Variants in MPHOSPH9 observed in about 807,000 individuals in gnomAD.
MPHOSPH9 encodes M-phase phosphoprotein 9.
In MPHOSPH9, 88 loss-of-function variants were observed where a neutral mutation model predicts 145.5. The ratio of observed to expected loss-of-function variants is 0.60; its 90% confidence interval spans 0.51 to 0.72. The LOEUF (loss-of-function observed/expected upper bound fraction) is 0.72, where lower values mean the gene tolerates loss of function less well. Among genes scored for constraint, MPHOSPH9 ranks in the 30% least tolerant of loss-of-function variants. The pLI is 0.00. For synonymous variants in MPHOSPH9, 435 were observed against 486.2 expected (o/e 0.89, Z 1.39); for missense variants, 1,238 against 1,386.6 (o/e 0.89, Z 1.70).
chr12:123,163,428 G>C, intron 19 of MPHOSPH9: 1 of 290,440 alleles, frequency 3.4e-6, no homozygotes, highest in East Asian at 7.4e-5. Flanking sequence ...GTACACTACT[G>C]AACATTCCTA....
In MPHOSPH9 at chr12:123,202,653, A is replaced by G. The variant is rs776952267; in HGVS notation, c.1752T>C (p.Thr584=). The change falls in exon 10 of 24, where the codon ACT becomes ACC. Residue 584 remains threonine, a synonymous_variant. Transcript: ENST00000606320. ...ANSVPECISL[T]SLEDPVILSK... The stretch of plus-strand genomic sequence containing the variant: ...ACAATATCACAGGATCTTCCAAGGA[A>G]GTCAATGAAATGCATTCTGGGACAC... 5 of 1,614,028 alleles carry G rather than the reference A, an allele frequency of 3.1e-6. No individual in the cohort carries two copies. Among genetic ancestry groups the G allele is most frequent in the South Asian group, 1.1e-5 (1 of 91,084 alleles).
intron 13 of MPHOSPH9, among the ~76,000 whole-genome samples, chr12:123,191,635 G>A (rs539589561): frequency 6.6e-6 from 1 of 152,226 alleles, no homozygotes; most frequent in South Asian, 2.1e-4. Context: ...TCCATGAAAA[G>A]GAACCAGAAC....
chr12:123,157,053 A>T, intron 23 of MPHOSPH9, 145 bp from the exon 24 acceptor site: 2 of 534,534 alleles, frequency 3.7e-6, no homozygotes, highest in Non-Finnish European at 3.3e-6. Context: ...ACATCTTATG[A>T]TTTCTTTTAA....
chr12:123,202,469 A>G, intron 10 of MPHOSPH9, 150 bp from the exon 11 acceptor site: 1 of 1,192,828 alleles, frequency 8.4e-7, no homozygotes, highest in Non-Finnish European at 1.2e-6. Flanking sequence ...ATACACAAAA[A>G]GTTAACAATC....
At chr12:123,213,326 TG>T (rs1333652197) in intron 7 of MPHOSPH9, among the ~76,000 whole-genome samples, 3 of 151,962 alleles carry the variant, frequency 2.0e-5, no homozygotes, top group Non-Finnish European at 4.4e-5. Flanking sequence ...ATAAGCTAGG[TG>T]TACTAAATGC....
Position 123,156,796 on chromosome 12 carries a change from G to A in MPHOSPH9, c.*11C>T. On this transcript the variant is annotated 3_prime_UTR_variant, in exon 24 of 24. Transcript: ENST00000606320. ...AAACAAAAATGTCTCAAAATTTAAT[G>A]GCTACAAATCTCAAAGATTTGCAGA... The A allele has an allele frequency of 6.2e-7, 1 of 1,602,512 alleles. No homozygotes were observed. The highest frequency in any genetic ancestry group is 1.1e-5 in the South Asian group (1 of 90,116).
chr12:123,188,738 C>T (rs1472178380), intron 13 of MPHOSPH9, among the ~76,000 whole-genome samples: 2 of 152,138 alleles, frequency 1.3e-5, no homozygotes, highest in Non-Finnish European at 2.9e-5. Flanking sequence ...CTCCCAGCTA[C>T]ATGGTAGGCT....
intron 8 of MPHOSPH9, among the ~76,000 whole-genome samples, chr12:123,209,738 T>G (rs1292723345): frequency 3.3e-5 from 1 of 30,120 alleles, no homozygotes. Flanking sequence ...TGTTTTGTTG[T>G]TTTTTTTTTT....
intron 1 of MPHOSPH9, among the ~76,000 whole-genome samples, chr12:123,238,494 GGCATGGTGGCTCAT>G (rs539089146): frequency 2.0e-4 from 30 of 152,138 alleles, no homozygotes; most frequent in African/African-American, 5.5e-4. Flanking sequence ...AAACATGCTG[GGCATGGTGGCTCAT>G]GACTGTAATC....
intron 12 of MPHOSPH9, among the ~76,000 whole-genome samples, chr12:123,195,670 A>T: frequency 6.6e-6 from 1 of 152,208 alleles, no homozygotes; most frequent in Non-Finnish European, 1.5e-5. Context: ...AATACCCACT[A>T]GGTGCTAGGC....
intron 3 of MPHOSPH9, among the ~76,000 whole-genome samples, chr12:123,224,961 T>C (rs1330470423): frequency 1.3e-5 from 2 of 152,204 alleles, no homozygotes. Flanking sequence ...TTATGTCTTC[T>C]AATGAACATG....
chr12:123,232,039 CG>C (rs2047661772), intron 1 of MPHOSPH9, among the ~76,000 whole-genome samples: 1 of 150,774 alleles, frequency 6.6e-6, no homozygotes, highest in Non-Finnish European at 1.5e-5. Flanking sequence ...AAAGGGTAAC[CG>C]GACCTAACTA....
intron 2 of MPHOSPH9, 28 bp from the exon 3 acceptor site, chr12:123,227,644 T>C: frequency 6.8e-7 from 1 of 1,474,206 alleles, no homozygotes; most frequent in Non-Finnish European, 9.0e-7. Context: ...ATTCAAATGG[T>C]TTTCTTCATT....
rs192907303 is a variant in MPHOSPH9, at chr12:123,213,009, G to A, written c.1087+1735C>T. On this transcript the variant is annotated intron_variant, in intron 7 of 23. Coordinates refer to ENST00000606320, the MANE Select transcript of MPHOSPH9 (RefSeq NM_022782.4). ...TGAGCAGCTGGGATTACAGGCGGCC[G>A]CCACCAAGCCCAGCTAATTTTTTGT... Among the ~76,000 whole-genome samples, 266 of 151,266 alleles carry A rather than the reference G, an allele frequency of 1.8e-3. 1 individual carries two copies. Among genetic ancestry groups the A allele is most frequent in the Non-Finnish European group, 2.0e-3 (139 of 67,818 alleles).
rs1291595314 is a variant in MPHOSPH9, at chr12:123,187,708, AAATGTAC to A, written c.2242-6505_2242-6499del. On this transcript the variant is annotated intron_variant, in intron 13 of 23. Transcript: ENST00000606320. ...AGGAGATTTACACGAGAAGGAAATA[AAATGTAC>A]AACAGAAGTCAGTAAGGGAAGGAAA... Among the ~76,000 whole-genome samples, 6 of 152,238 alleles carry A rather than the reference AAATGTAC, an allele frequency of 3.9e-5. No individual in the cohort carries two copies. The East Asian group carries it at 1.2e-3, about 29-fold the overall frequency.
chr12:123,167,943 C>T (rs1022684612), intron 16 of MPHOSPH9, among the ~76,000 whole-genome samples: 2 of 152,202 alleles, frequency 1.3e-5, no homozygotes, highest in Non-Finnish European at 2.9e-5. Context: ...AGCCAGCCAC[C>T]TCAGAGGGTA....
chr12:123,236,588 G>A (rs1416950726), upstream of MPHOSPH9, among the ~76,000 whole-genome samples: 9 of 146,994 alleles, frequency 6.1e-5, no homozygotes, highest in Non-Finnish European at 1.0e-4. Context: ...GGGAGACCCT[G>A]TCTCAAAAAA....
intron 11 of MPHOSPH9, among the ~76,000 whole-genome samples, chr12:123,201,273 C>T (rs533139865): frequency 9.9e-5 from 15 of 152,264 alleles, no homozygotes; most frequent in East Asian, 5.8e-4. Context: ...GTTAACCAGA[C>T]GGAAGATTTT....
At chr12:123,235,451 G>GC (rs950539956), upstream of MPHOSPH9, among the ~76,000 whole-genome samples, 2 of 151,820 alleles carry the variant, frequency 1.3e-5, no homozygotes, top group East Asian at 1.9e-4. Context: ...TGCAAGCTCC[G>GC]CCCCCCAGGT....
Sources: allele counts gnomAD v4.1 joint callset (sites outside exome capture counted in the v4.1 genomes callset), GRCh38; gene constraint gnomAD v4.1.1; transcripts MANE v1.5; gene names NCBI Gene and HGNC (gene_info 2026-07-23, HGNC 2026-07-21).